Variants in NR1I2 observed in about 807,000 individuals in gnomAD.
NR1I2 encodes the protein orphan nuclear receptor PAR1.
NR1I2 carries 42 observed loss-of-function variants against 43.3 expected under a neutral mutation model. The ratio of observed to expected loss-of-function variants is 0.97; its 90% CI spans 0.76 to 1.26. NR1I2 has a LOEUF of 1.26. NR1I2 is among the 50% of genes most tolerant of loss of function. NR1I2 has a pLI of 0.00. For missense variants in NR1I2, 559 were observed against 566.7 expected (o/e 0.99, Z 0.14); for synonymous variants, 229 against 215.0 (o/e 1.06, Z -0.57).
intron 1 of NR1I2, chr3:119,782,658 G>A (rs1450967221): frequency 2.6e-5 from 22 of 847,808 alleles, no homozygotes; most frequent in Non-Finnish European, 3.8e-5. Context: ...TCCAAGGACT[G>A]TGGGAGCTGG....
chr3:119,797,909 C>A (rs892801038), intron 1 of NR1I2, among the ~76,000 whole-genome samples: 4 of 152,144 alleles, frequency 2.6e-5, no homozygotes, highest in African/African-American at 9.7e-5. Context: ...AAGATATTAA[C>A]CATTGTCTTT....
chr3:119,802,699 T>C (rs2055097433), intron 1 of NR1I2, among the ~76,000 whole-genome samples: 1 of 152,178 alleles, frequency 6.6e-6, no homozygotes, highest in Non-Finnish European at 1.5e-5. Flanking sequence ...GTGATGCTCT[T>C]TGATTTTGGA....
intron 1 of NR1I2, among the ~76,000 whole-genome samples, chr3:119,806,947 CTT>C (rs1278954559): frequency 6.6e-6 from 1 of 152,204 alleles, no homozygotes; most frequent in Non-Finnish European, 1.5e-5. Flanking sequence ...AGCCTGCTCT[CTT>C]TTCTTCTCAT....
intron 3 of NR1I2, chr3:119,811,272 C>G (rs2055237044): frequency 2.6e-6 from 1 of 389,408 alleles, no homozygotes; most frequent in African/African-American, 2.0e-5. Flanking sequence ...GAAGCCCGTG[C>G]TCTTGCCAGG....
At chr3:119,783,887 T>G (rs1018708326) in intron 1 of NR1I2, among the ~76,000 whole-genome samples, 1 of 152,236 alleles carries the variant, frequency 6.6e-6, no homozygotes, top group Non-Finnish European at 1.5e-5. Context: ...CTTGGAGACT[T>G]TCCATATCTG....
At chr3:119,808,321 A>G (rs1241894626) in intron 2 of NR1I2, among the ~76,000 whole-genome samples, 1 of 152,174 alleles carries the variant, frequency 6.6e-6, no homozygotes, top group Admixed American at 6.5e-5. Flanking sequence ...CCCAGGCAGG[A>G]ATCATTATGT....
intron 1 of NR1I2, among the ~76,000 whole-genome samples, chr3:119,795,742 C>T (rs1577273516): frequency 6.6e-6 from 1 of 152,360 alleles, no homozygotes; most frequent in Non-Finnish European, 1.5e-5. Flanking sequence ...CTATATCCCA[C>T]CACGCCCTGA....
At chr3:119,803,759 T>C (rs575905233) in intron 1 of NR1I2, among the ~76,000 whole-genome samples, 2 of 150,698 alleles carry the variant, frequency 1.3e-5, no homozygotes, top group South Asian at 2.1e-4. Context: ...TTTCTCAGTG[T>C]ACTTTTTTTT....
In NR1I2 at chr3:119,817,155, C is replaced by T; in HGVS notation, c.1248C>T (p.Asp416=). The change falls in exon 9 of 9, where the codon GAC becomes GAT. Residue 416 remains aspartate, a synonymous_variant. Transcript: ENST00000393716. ...CCCAGCGGCTGCTGCGCATCCAGGA[C>T]ATACACCCCTTTGCTACGCCCCTCA... 6.2e-7 allele frequency: 1 copy of T among 1,614,220 alleles called. No homozygotes were observed. The highest frequency in any genetic ancestry group is 8.5e-7 in the Non-Finnish European group (1 of 1,180,034).
At position 119,807,318 on chromosome 3, in the gene NR1I2, T is replaced by A; in HGVS notation, c.68T>A (p.Val23Asp). ...GTACACTGTGAGGACACAGAGTCTG[T>A]TCCTGGAAAGCCCAGTGTCAACGCA... is the stretch of plus-strand genomic sequence containing the variant. The change falls in exon 2 of 9, where the codon GTT becomes GAT. Residue 23 changes from valine (V) to aspartate (D), a missense_variant. Val to Asp is a radical substitution (Grantham distance 152). This residue lies in a region of NR1I2 where 232 missense variants were observed against 236.6 expected (regional missense o/e 0.98). Coordinates refer to ENST00000393716, the MANE Select transcript of NR1I2 (RefSeq NM_003889.4). The A allele has an allele frequency of 6.2e-7, 1 of 1,614,212 alleles. No homozygotes were observed. The highest frequency in any genetic ancestry group is 1.3e-5 in the African/African-American group (1 of 75,068).
intron 2 of NR1I2, 54 bp from the exon 3 acceptor site, chr3:119,810,007 G>C: frequency 6.2e-7 from 1 of 1,611,814 alleles, no homozygotes; most frequent in Non-Finnish European, 8.5e-7. Context: ...GGAGCCCCAG[G>C]CCGAGGGCCC....
At chr3:119,810,004 C>T (rs2055214912) in intron 2 of NR1I2, 57 bp from the exon 3 acceptor site, 1 of 1,611,212 alleles carries the variant, frequency 6.2e-7, no homozygotes, top group South Asian at 1.1e-5. Flanking sequence ...CCCGGAGCCC[C>T]AGGCCGAGGG....
intron 1 of NR1I2, among the ~76,000 whole-genome samples, chr3:119,783,222 T>C (rs12488820): frequency 0.47 from 71,556 of 152,236 alleles, 19,993 homozygotes; most frequent in East Asian, 0.78. Flanking sequence ...ATTTTAGTTA[T>C]GTCATAAAAG....
intron 1 of NR1I2, among the ~76,000 whole-genome samples, chr3:119,799,668 C>T (rs1451952639): frequency 1.3e-5 from 2 of 152,056 alleles, no homozygotes; most frequent in Non-Finnish European, 1.5e-5. Flanking sequence ...TCTTACCAAC[C>T]ACCAGTAATA....
Position 119,815,111 on chromosome 3 carries a change from A to C in NR1I2, c.927A>C (p.Glu309Asp). 1 of 1,614,174 alleles carries C rather than the reference A, an allele frequency of 6.2e-7. No homozygotes were observed. The highest frequency in any genetic ancestry group is 8.5e-7 in the Non-Finnish European group (1 of 1,180,028). ...GTGGCCGGCTGTCCTACTGCTTGGA[A>C]GACACTGCAGGTGCCCGAGAGAGCC... The change falls in exon 6 of 9, where the codon GAA becomes GAC. Residue 309 changes from glutamate to aspartate, a missense_variant. This residue lies in a region of NR1I2 where 323 missense variants were observed against 312.2 expected (regional missense o/e 1.03). Coordinates refer to ENST00000393716, the MANE Select transcript of NR1I2 (RefSeq NM_003889.4).
At chr3:119,784,341 C>G (rs1185733811) in intron 1 of NR1I2, among the ~76,000 whole-genome samples, 3 of 152,202 alleles carry the variant, frequency 2.0e-5, no homozygotes, top group Admixed American at 2.0e-4. Flanking sequence ...TAGGACCCCT[C>G]TTGGCCATTG....
In NR1I2 at chr3:119,815,392, A is replaced by C. The variant is rs1409620636; in HGVS notation, c.1007A>C (p.His336Pro). 2 of 1,613,640 alleles carry C rather than the reference A, an allele frequency of 1.2e-6. No homozygotes were observed. Among genetic ancestry groups the C allele is most frequent in the Non-Finnish European group, 1.7e-6 (2 of 1,180,024 alleles). The change falls in exon 7 of 9, where the codon CAT becomes CCT. Residue 336 changes from histidine (H) to proline (P), a missense_variant. Around this residue, in one of 3 missense-constraint regions of NR1I2, gnomAD observed 323 missense variants for 312.2 expected, o/e 1.03. Coordinates refer to ENST00000393716, the MANE Select transcript of NR1I2 (RefSeq NM_003889.4). ...TACATGCTGAAGAAGCTGCAGCTGC[A>C]TGAGGAGGAGTATGTGCTGATGCAG...
At position 119,797,142 on chromosome 3, in the gene NR1I2, G is replaced by C. The variant is rs537450972; in HGVS notation, c.-22-10087G>C. ...GAAGACCTCCCTTCTCCCTTTAATA[G>C]GGGATTTGGGGCCTCTTAGCAAATG... On this transcript the variant is annotated intron_variant, in intron 1 of 8. Transcript: ENST00000393716. Among the ~76,000 whole-genome samples, 30 of 151,686 alleles carry C rather than the reference G, an allele frequency of 2.0e-4. No individual in the cohort carries two copies. In the South Asian group the frequency reaches 6.0e-3, roughly 31 times the overall value.
At position 119,810,054 on chromosome 3, in the gene NR1I2, C is replaced by T; in HGVS notation, c.198-7C>T. On this transcript the variant is annotated splice_region_variant and splice_polypyrimidine_tract_variant and intron_variant, in intron 2 of 8. Transcript: ENST00000393716. ...CATCCCCCCTTCTGCTCCCCATTCT[C>T]TCACAGGAGGGCCATGAAACGCAAC... The T allele has an allele frequency of 6.2e-7, 1 of 1,613,814 alleles. No individual in the cohort carries two copies. The highest frequency in any genetic ancestry group is 8.5e-7 in the Non-Finnish European group (1 of 1,179,924).
Sources: gnomAD v4.1 joint callset for allele counts (sites outside exome capture counted in the v4.1 genomes callset) on GRCh38, gnomAD v4.1.1 for gene constraint, gnomAD v4.1.1 regional missense constraint, MANE v1.5 for transcripts, NCBI Gene and HGNC (gene_info 2026-07-23, HGNC 2026-07-21) for gene names.